Variants in MLLT3 observed in about 807,000 individuals in gnomAD.
MLLT3 encodes MLLT3 super elongation complex subunit, also known as protein AF-9.
In MLLT3, 4 loss-of-function variants were observed where a neutral mutation model predicts 53.2. The observed-to-expected ratio is 0.08, with a 90% confidence interval of 0.04 to 0.17. MLLT3 has a LOEUF of 0.17. Ranked by LOEUF, MLLT3 falls within the 10% of genes least tolerant of loss-of-function variation. The pLI, the probability that MLLT3 is intolerant of heterozygous loss-of-function variation, is 1.00. For missense variants in MLLT3, 569 were observed against 684.0 expected, an observed-to-expected ratio of 0.83 and a Z score of 1.87; for synonymous variants, 283 against 230.6, an observed-to-expected ratio of 1.23 and a Z score of -2.06.
intron 3 of MLLT3, among the ~76,000 whole-genome samples, chr9:20,450,289 T>C (rs563558450): frequency 1.5e-4 from 23 of 152,300 alleles, no homozygotes; most frequent in African/African-American, 3.6e-4. Context: ...ACCACCACCA[T>C]TCTTCATTTG....
intron 2 of MLLT3, among the ~76,000 whole-genome samples, chr9:20,603,792 T>G (rs1156741508): frequency 6.6e-6 from 1 of 152,092 alleles, no homozygotes; most frequent in South Asian, 2.1e-4. Flanking sequence ...ACTGATAAAG[T>G]ACTTATAGAC....
At chr9:20,611,598 T>C (rs1469118493) in intron 2 of MLLT3, among the ~76,000 whole-genome samples, 2 of 152,082 alleles carry the variant, frequency 1.3e-5, no homozygotes, top group African/African-American at 4.8e-5. Context: ...GGTAACTAAT[T>C]ATATTTATAA....
chr9:20,518,309 G>C (rs1014292204), intron 2 of MLLT3, among the ~76,000 whole-genome samples: 1 of 152,174 alleles, frequency 6.6e-6, no homozygotes, highest in Non-Finnish European at 1.5e-5. Context: ...TCGCGCCATT[G>C]CACTCCAACC....
chr9:20,422,366 T>C (rs1823030838), intron 4 of MLLT3, among the ~76,000 whole-genome samples: 1 of 152,152 alleles, frequency 6.6e-6, no homozygotes, highest in Non-Finnish European at 1.5e-5. Context: ...AGATCCAAAA[T>C]AATAAAGCCA....
chr9:20,607,597 T>A (rs997050818), intron 2 of MLLT3, among the ~76,000 whole-genome samples: 1 of 152,128 alleles, frequency 6.6e-6, no homozygotes, highest in Non-Finnish European at 1.5e-5. Flanking sequence ...TTGTTTATAT[T>A]TCACAAACAT....
chr9:20,572,627 C>G lies in MLLT3; in HGVS notation c.193+48027G>C, dbSNP rs184288123. ...TGGCCAAAATCGTGAAACCCCATCTCTACTAAAAATATAAAAATTAGCTGG... is the reference window on the plus strand; with the variant it reads ...TGGCCAAAATCGTGAAACCCCATCTGTACTAAAAATATAAAAATTAGCTGG... On this transcript the variant is annotated intron_variant, in intron 2 of 10. Transcript: ENST00000380338. Among the ~76,000 whole-genome samples, 322 of 152,254 alleles carry G rather than the reference C, an allele frequency of 2.1e-3. 1 individual carries two copies. Among genetic ancestry groups the G allele is most frequent in the Non-Finnish European group, 3.7e-3 (253 of 68,014 alleles).
chr9:20,361,888 C>G (rs1269389807), intron 7 of MLLT3, among the ~76,000 whole-genome samples: 1 of 152,106 alleles, frequency 6.6e-6, no homozygotes, highest in Non-Finnish European at 1.5e-5. Flanking sequence ...TCTGAATAGG[C>G]AATCACATTC....
At chr9:20,565,944 A>T (rs1385761813) in intron 2 of MLLT3, among the ~76,000 whole-genome samples, 1 of 9,434 alleles carries the variant, frequency 1.1e-4, no homozygotes, top group African/African-American at 3.3e-4. Flanking sequence ...ATATTTATAT[A>T]TATATATATT....
intron 10 of MLLT3, among the ~76,000 whole-genome samples, chr9:20,346,871 G>C (rs953939835): frequency 3.9e-5 from 6 of 151,984 alleles, no homozygotes; most frequent in Non-Finnish European, 7.4e-5. Flanking sequence ...GTTAGGGGGA[G>C]ATAGCATTTC....
At chr9:20,397,783 C>A (rs761257595) in intron 5 of MLLT3, among the ~76,000 whole-genome samples, 21 of 152,040 alleles carry the variant, frequency 1.4e-4, no homozygotes, top group Non-Finnish European at 2.2e-4. Context: ...ATCTCAGCAT[C>A]CCACAGTGAT....
chr9:20,553,570 T>C (rs1818980982), intron 2 of MLLT3, among the ~76,000 whole-genome samples: 1 of 152,226 alleles, frequency 6.6e-6, no homozygotes. Context: ...ACGATTTGTC[T>C]ATATAAGATC....
At chr9:20,431,034 C>T (rs933020767) in intron 4 of MLLT3, among the ~76,000 whole-genome samples, 1 of 152,004 alleles carries the variant, frequency 6.6e-6, no homozygotes, top group Non-Finnish European at 1.5e-5. Flanking sequence ...ACTTTATGTG[C>T]TTACTAAATG....
At chr9:20,394,110 T>C (rs1822259643) in intron 5 of MLLT3, among the ~76,000 whole-genome samples, 1 of 152,190 alleles carries the variant, frequency 6.6e-6, no homozygotes, top group East Asian at 1.9e-4. Context: ...TATAGAATTT[T>C]CACCTGTACA....
intron 5 of MLLT3, among the ~76,000 whole-genome samples, chr9:20,407,801 G>A (rs1439164043): frequency 2.6e-5 from 4 of 152,152 alleles, no homozygotes; most frequent in East Asian, 1.9e-4. Flanking sequence ...GAGCTGTCTC[G>A]AGGGGTGAAT....
At chr9:20,406,282 C>T (rs1822575332) in intron 5 of MLLT3, among the ~76,000 whole-genome samples, 4 of 152,132 alleles carry the variant, frequency 2.6e-5, no homozygotes, top group African/African-American at 9.6e-5. Context: ...GACCCCACAC[C>T]CTCATCTCTA....
At chr9:20,616,389 C>T (rs1820834362) in intron 2 of MLLT3, among the ~76,000 whole-genome samples, 1 of 152,106 alleles carries the variant, frequency 6.6e-6, no homozygotes, top group Non-Finnish European at 1.5e-5. Flanking sequence ...ATGCTAATCC[C>T]TATTTTTAAA....
At chr9:20,549,576 G>A (rs1400508808) in intron 2 of MLLT3, among the ~76,000 whole-genome samples, 1 of 152,184 alleles carries the variant, frequency 6.6e-6, no homozygotes, top group Non-Finnish European at 1.5e-5. Context: ...AAGAAAGTAT[G>A]GAAATGACAG....
chr9:20,461,975 C>G (rs543977932), intron 2 of MLLT3, among the ~76,000 whole-genome samples: 2 of 152,254 alleles, frequency 1.3e-5, no homozygotes, highest in African/African-American at 4.8e-5. Context: ...GACTCCCTCA[C>G]TTCCTGCTTC....
intron 5 of MLLT3, among the ~76,000 whole-genome samples, chr9:20,384,616 T>G (rs1187383996): frequency 6.6e-6 from 1 of 152,052 alleles, no homozygotes; most frequent in African/African-American, 2.4e-5. Context: ...GGGATGCAGG[T>G]GTTGGATAAT....
Sources: allele counts gnomAD v4.1 joint callset (sites outside exome capture counted in the v4.1 genomes callset), GRCh38; gene constraint gnomAD v4.1.1; transcripts MANE v1.5; gene names NCBI Gene and HGNC (gene_info 2026-07-23, HGNC 2026-07-21).